The following NR1H4 variants were observed in gnomAD, a reference collection of about 807,000 sequenced individuals.
The protein encoded by NR1H4 is bile acid receptor.
A neutral mutation model predicts 58.5 loss-of-function variants in NR1H4; 23 were observed. That is an observed-to-expected ratio of 0.39 (90% CI 0.28 to 0.56). The LOEUF is 0.56. NR1H4 is among the 20% of genes least tolerant of loss of function. The pLI, the probability that NR1H4 is intolerant of heterozygous loss-of-function variation, is 0.58. For synonymous variants in NR1H4, 214 were observed against 198.0 expected (o/e 1.08, Z -0.68); for missense variants, 487 against 576.9 (o/e 0.84, Z 1.60).
intron 1 of NR1H4, among the ~76,000 whole-genome samples, chr12:100,489,753 G>T (rs1953567490): frequency 6.6e-6 from 1 of 152,176 alleles, no homozygotes; most frequent in South Asian, 2.1e-4. Context: ...AGGAAAATGG[G>T]TGTCTAAGCT....
At chr12:100,529,971 G>A (rs942610525) in intron 4 of NR1H4, among the ~76,000 whole-genome samples, 1 of 152,156 alleles carries the variant, frequency 6.6e-6, no homozygotes, top group Non-Finnish European at 1.5e-5. Flanking sequence ...AGCATATGGT[G>A]TGGACCTGCT....
chr12:100,528,212 C>G (rs115047721), intron 4 of NR1H4, among the ~76,000 whole-genome samples: 62 of 152,226 alleles, frequency 4.1e-4, no homozygotes, highest in African/African-American at 1.4e-3. Flanking sequence ...TGTATGTACA[C>G]ATATATGTGT....
chr12:100,480,900 G>A (rs965200410), intron 1 of NR1H4, among the ~76,000 whole-genome samples: 11 of 152,178 alleles, frequency 7.2e-5, no homozygotes, highest in East Asian at 3.8e-4. Context: ...TGATGTGGCC[G>A]TCAGCTGGGA....
intron 4 of NR1H4, among the ~76,000 whole-genome samples, chr12:100,522,702 C>G (rs992554295): frequency 2.0e-5 from 3 of 152,082 alleles, no homozygotes; most frequent in Non-Finnish European, 4.4e-5. Flanking sequence ...TTATCCCACA[C>G]TTTTCTCCCC....
intron 4 of NR1H4, among the ~76,000 whole-genome samples, chr12:100,514,423 A>G (rs1263083048): frequency 6.6e-6 from 1 of 152,210 alleles, no homozygotes; most frequent in Non-Finnish European, 1.5e-5. Flanking sequence ...TGAAAGGGAA[A>G]GCTAGACCAT....
intron 4 of NR1H4, among the ~76,000 whole-genome samples, chr12:100,519,097 G>A (rs1239122524): frequency 3.3e-5 from 5 of 152,084 alleles, no homozygotes; most frequent in Non-Finnish European, 7.4e-5. Context: ...CTTGACCCAT[G>A]ACTCTTAAGG....
intron 4 of NR1H4, among the ~76,000 whole-genome samples, chr12:100,529,376 C>T (rs374158269): frequency 6.0e-4 from 92 of 152,286 alleles, no homozygotes; most frequent in African/African-American, 2.1e-3. Context: ...ACGCGTTCCA[C>T]CTTTACCTTG....
At position 100,506,664 on chromosome 12, in the gene NR1H4, C is replaced by T. The variant is rs141135103; in HGVS notation, c.80-4114C>T. Among the ~76,000 whole-genome samples the T allele has an allele frequency of 1.6e-3, 251 of 152,186 alleles. 4 individuals are homozygous for T. Among genetic ancestry groups the T allele is most frequent in the East Asian group, 0.013 (65 of 5,170 alleles). On this transcript the variant is annotated intron_variant, in intron 3 of 10. Coordinates refer to ENST00000392986, the MANE Select transcript of NR1H4 (RefSeq NM_001206979.2). ...GCTGGGTTACACGCACCTGCCACCA[C>T]GTCCAGCTAATTTTTGTATCTTTAG...
At chr12:100,554,136 G>A (rs1443090560) in intron 9 of NR1H4, among the ~76,000 whole-genome samples, 1 of 152,222 alleles carries the variant, frequency 6.6e-6, no homozygotes, top group Admixed American at 6.5e-5. Context: ...AAACTATTGG[G>A]CTGCTGAGAG....
At chr12:100,536,915 T>A (rs1432694960) in intron 7 of NR1H4, 33 bp from the exon 8 acceptor site, 1 of 1,233,566 alleles carries the variant, frequency 8.1e-7, no homozygotes, top group Non-Finnish European at 1.2e-6. Flanking sequence ...TCTTATCTAC[T>A]TTTTAATCAT....
At chr12:100,506,040 C>CAG (rs1327391597) in intron 3 of NR1H4, among the ~76,000 whole-genome samples, 32 of 131,372 alleles carry the variant, frequency 2.4e-4, no homozygotes, top group African/African-American at 1.0e-3. Flanking sequence ...CACACACACA[C>CAG]ACAGAGAGAG....
intron 4 of NR1H4, among the ~76,000 whole-genome samples, chr12:100,523,962 G>T (rs1006219402): frequency 6.6e-6 from 1 of 152,024 alleles, no homozygotes; most frequent in Non-Finnish European, 1.5e-5. Context: ...CAAACAAAAA[G>T]ATTAAGAAAT....
intron 4 of NR1H4, among the ~76,000 whole-genome samples, chr12:100,530,277 T>C (rs2136222343): frequency 6.6e-6 from 1 of 152,330 alleles, no homozygotes; most frequent in Non-Finnish European, 1.5e-5. Context: ...ACTAACCATG[T>C]GATCATGGCC....
chr12:100,549,942 C>G (rs1044947117), intron 9 of NR1H4, among the ~76,000 whole-genome samples: 7 of 152,124 alleles, frequency 4.6e-5, no homozygotes, highest in African/African-American at 1.7e-4. Context: ...TACAATCATT[C>G]TTATTTCTAT....
At chr12:100,489,956 G>A (rs1297826338) in intron 1 of NR1H4, among the ~76,000 whole-genome samples, 1 of 152,138 alleles carries the variant, frequency 6.6e-6, no homozygotes, top group Non-Finnish European at 1.5e-5. Context: ...CATTCACATG[G>A]TAGGTCTCCA....
chr12:100,532,749 C>T, intron 5 of NR1H4, 139 bp downstream of exon 5: 1 of 739,092 alleles, frequency 1.4e-6, no homozygotes, highest in Non-Finnish European at 2.2e-6. Flanking sequence ...GGGTAATGAA[C>T]CACTGAAATT....
intron 2 of NR1H4, 98 bp from the exon 3 acceptor site, chr12:100,493,172 T>G: frequency 1.6e-6 from 1 of 645,128 alleles, no homozygotes. Context: ...AGGGAGCCAT[T>G]TGTACTTTCG....
rs118095366 is a variant in NR1H4 at position 100,537,706 on chromosome 12, T to G, written c.931+659T>G. Among the ~76,000 whole-genome samples the G allele has an allele frequency of 1.8e-3, 270 of 152,284 alleles. 6 individuals are homozygous for G. The East Asian group carries it at 0.045, about 26-fold the overall frequency. On this transcript the variant is annotated intron_variant, in intron 8 of 10. Coordinates refer to ENST00000392986, the MANE Select transcript of NR1H4 (RefSeq NM_001206979.2). ...ATTCCAAGTTGAGAGATCTGCTTGT[T>G]TTTTTGTTTTTGTTTTGTTTTGTTT... is the stretch of plus-strand genomic sequence containing the variant.
intron 4 of NR1H4, among the ~76,000 whole-genome samples, chr12:100,524,666 T>C (rs1298377693): frequency 3.9e-5 from 6 of 152,178 alleles, no homozygotes; most frequent in Non-Finnish European, 1.5e-5. Context: ...CAAAGTCAAA[T>C]GGTAAGAAGG....
Sources: gnomAD v4.1 joint callset for allele counts (sites outside exome capture counted in the v4.1 genomes callset) on GRCh38, gnomAD v4.1.1 for gene constraint, MANE v1.5 for transcripts, NCBI Gene and HGNC (gene_info 2026-07-23, HGNC 2026-07-21) for gene names.